The following PRUNE2 variants were observed in gnomAD, a reference collection of about 807,000 sequenced individuals.
PRUNE2 encodes the protein prune homolog 2 with BCH domain.
In PRUNE2, 164 loss-of-function variants were observed where a neutral mutation model predicts 252.0. The observed-to-expected ratio is 0.65, with a 90% CI of 0.57 to 0.74. PRUNE2 has a LOEUF of 0.74. PRUNE2 is among the 30% of genes least tolerant of loss of function. The pLI is 0.00. For missense variants in PRUNE2, 3,495 were observed against 3,711.0 expected (o/e 0.94, Z 1.51); for synonymous variants, 1,292 against 1,350.2 (o/e 0.96, Z 0.94).
rs767544101 is a variant in PRUNE2 at position 76,644,639 on chromosome 9, T to C, written c.8728+100A>G. Reference sequence around the variant, plus strand: ...GAATATTGGCTCTAGAATAGGGTCTTTGAGATGTCATGTTCCGGAGAAGTC... The same window carrying C: ...GAATATTGGCTCTAGAATAGGGTCTCTGAGATGTCATGTTCCGGAGAAGTC... On this transcript the variant is annotated intron_variant, in intron 12 of 18. Coordinates refer to ENST00000376718, the MANE Select transcript of PRUNE2 (RefSeq NM_015225.3). 2.4e-5 allele frequency: 27 copies of C among 1,104,610 alleles called. No homozygotes were observed. The African/African-American group carries it at 4.0e-4, about 16-fold the overall frequency. 68.4% of individuals were successfully genotyped at this position (1,104,610 alleles called of 1,614,324 possible).
intron 9 of PRUNE2, among the ~76,000 whole-genome samples, chr9:76,680,632 G>C (rs2043319819): frequency 6.6e-6 from 1 of 152,198 alleles, no homozygotes; most frequent in African/African-American, 2.4e-5. Context: ...CCAATAGGTG[G>C]AAGCAACTCA....
chr9:76,833,574 G>T (rs1238629672), intron 4 of PRUNE2, among the ~76,000 whole-genome samples: 1 of 151,772 alleles, frequency 6.6e-6, no homozygotes, highest in Non-Finnish European at 1.5e-5. Context: ...GACCATCCTG[G>T]CTAACACGGT....
chr9:76,703,919 G>GTC lies in PRUNE2; in HGVS notation c.7692_7693dup (p.Thr2565ArgfsTer9). 1.2e-6 allele frequency: 2 copies of GTC among 1,613,856 alleles called. No homozygotes were observed. Among genetic ancestry groups the GTC allele is most frequent in the Non-Finnish European group, 1.7e-6 (2 of 1,179,862 alleles). On this transcript the variant is annotated frameshift_variant, in exon 9 of 19. Transcript: ENST00000376718. LOFTEE classifies it high-confidence loss of function. ...AGCTATGCTTTCTCTTTCTTCACAGGTCTCTGGCTTTGAGTGTGAATTTTC... is the reference window on the plus strand; with the variant it reads ...AGCTATGCTTTCTCTTTCTTCACAGGTCTCTCTGGCTTTGAGTGTGAATTTTC...
chr9:76,855,109 C>G (rs892143768), intron 1 of PRUNE2, among the ~76,000 whole-genome samples: 3 of 144,144 alleles, frequency 2.1e-5, no homozygotes, highest in Non-Finnish European at 4.5e-5. Context: ...ATATAGTCAC[C>G]CCTCTGGAAG....
chr9:76,812,029 C>A (rs879699113), intron 6 of PRUNE2, among the ~76,000 whole-genome samples: 1 of 152,196 alleles, frequency 6.6e-6, no homozygotes, highest in Non-Finnish European at 1.5e-5. Context: ...AGTGATCAAA[C>A]TGACATGGAA....
At chr9:76,653,292 G>A (rs1053597417) in intron 10 of PRUNE2, among the ~76,000 whole-genome samples, 7 of 152,118 alleles carry the variant, frequency 4.6e-5, no homozygotes, top group African/African-American at 7.2e-5. Context: ...ATCCATAAGG[G>A]ATTGATTCCA....
intron 6 of PRUNE2, among the ~76,000 whole-genome samples, chr9:76,727,713 T>TTTTC (rs1049535790): frequency 1.4e-5 from 2 of 139,018 alleles, no homozygotes; most frequent in African/African-American, 5.4e-5. Flanking sequence ...AACAGGGCTT[T>TTTTC]TTTTTTTTTT....
At chr9:76,903,988 T>A (rs966500495) in intron 1 of PRUNE2, among the ~76,000 whole-genome samples, 1 of 152,234 alleles carries the variant, frequency 6.6e-6, no homozygotes, top group Non-Finnish European at 1.5e-5. Context: ...TAAAGGAGAA[T>A]GTTATCTACT....
chr9:76,682,307 A>C (rs2043542272), intron 9 of PRUNE2, among the ~76,000 whole-genome samples: 1 of 151,476 alleles, frequency 6.6e-6, no homozygotes, highest in Non-Finnish European at 1.5e-5. Flanking sequence ...TATATGATAG[A>C]AAATATAAAG....
At chr9:76,855,082 A>AATATATATATATATAT (rs1162386020) in intron 1 of PRUNE2, among the ~76,000 whole-genome samples, 11 of 109,350 alleles carry the variant, frequency 1.0e-4, no homozygotes, top group African/African-American at 4.2e-4. Flanking sequence ...AAAAAAAAAA[A>AATATATATATATATAT]ATATATATAT....
intron 9 of PRUNE2, among the ~76,000 whole-genome samples, chr9:76,671,269 G>A (rs1355189765): frequency 1.4e-5 from 2 of 147,208 alleles, no homozygotes; most frequent in South Asian, 4.5e-4. Context: ...GAAGCCTCAG[G>A]AGCCGATGCG....
intron 1 of PRUNE2, among the ~76,000 whole-genome samples, chr9:76,898,853 A>G (rs1389488438): frequency 6.6e-6 from 1 of 152,218 alleles, no homozygotes; most frequent in Non-Finnish European, 1.5e-5. Flanking sequence ...ACAGGCTAAA[A>G]CAAATAACCT....
At chr9:76,733,885 A>AT (rs960988490) in intron 6 of PRUNE2, among the ~76,000 whole-genome samples, 5 of 150,082 alleles carry the variant, frequency 3.3e-5, no homozygotes, top group Non-Finnish European at 5.9e-5. Flanking sequence ...ATCCAAAAAG[A>AT]TTTTTTTTTA....
chr9:76,831,605 C>T lies in PRUNE2; in HGVS notation c.509-4873G>A, dbSNP rs2058680316. On this transcript the variant is annotated intron_variant, in intron 4 of 18. Transcript: ENST00000376718. ...ATTGTCAGGGAAATGATAAAATTAT[C>T]AATTTATATGATATTTTAACTGTAT... Among the ~76,000 whole-genome samples the T allele has an allele frequency of 1.3e-5, 2 of 151,936 alleles. 1 individual carries two copies. Among genetic ancestry groups the T allele is most frequent in the Admixed American group, 1.3e-4 (2 of 15,262 alleles).
intron 6 of PRUNE2, among the ~76,000 whole-genome samples, chr9:76,800,627 CT>C (rs1385957930): frequency 6.6e-6 from 1 of 152,138 alleles, no homozygotes; most frequent in African/African-American, 2.4e-5. Flanking sequence ...GGTTAAATAA[CT>C]TTTGGATTTT....
At chr9:76,856,417 G>A (rs891777890) in intron 1 of PRUNE2, 3 of 152,152 alleles carry the variant, frequency 2.0e-5, no homozygotes, top group African/African-American at 7.2e-5. Flanking sequence ...ATAGCTTTGT[G>A]TTCCACCCTC....
Position 76,638,227 on chromosome 9 carries a change from G to A in PRUNE2, c.8790C>T (p.Ser2930=). The A allele has an allele frequency of 6.2e-7, 1 of 1,613,718 alleles. No individual in the cohort carries two copies. Among genetic ancestry groups the A allele is most frequent in the South Asian group, 1.1e-5 (1 of 91,084 alleles). The change falls in exon 13 of 19, where the codon AGC becomes AGT. Residue 2930 remains serine (S), a synonymous_variant. Coordinates refer to ENST00000376718, the MANE Select transcript of PRUNE2 (RefSeq NM_015225.3). ...IVFAACFLPD[S]SRADYHYVME... ...TGACATAGTGGTAATCCGCCCGACT[G>A]CTGTCTGGCAGAAAACAGGCGGCAA...
chr9:76,744,366 A>G (rs1321033310), intron 6 of PRUNE2, among the ~76,000 whole-genome samples: 3 of 152,324 alleles, frequency 2.0e-5, no homozygotes, highest in African/African-American at 7.2e-5. Context: ...CAGTAGAGAG[A>G]GGCCTCACTG....
chr9:76,770,197 A>G (rs2052935281), intron 6 of PRUNE2, among the ~76,000 whole-genome samples: 1 of 152,162 alleles, frequency 6.6e-6, no homozygotes, highest in Non-Finnish European at 1.5e-5. Flanking sequence ...TTGAGGCAAC[A>G]TTCTTTGAAG....
Sources: gnomAD v4.1 joint callset for allele counts (sites outside exome capture counted in the v4.1 genomes callset) on GRCh38, gnomAD v4.1.1 for gene constraint, MANE v1.5 for transcripts, NCBI Gene and HGNC (gene_info 2026-07-23, HGNC 2026-07-21) for gene names.